Variants in TTC7A observed in about 807,000 individuals in gnomAD.
The protein encoded by TTC7A is tetratricopeptide repeat domain 7A.
In TTC7A, 110 loss-of-function variants were observed where a neutral mutation model predicts 103.7. That is an observed-to-expected ratio of 1.06 (90% CI 0.91 to 1.24). The LOEUF (loss-of-function observed/expected upper bound fraction) is 1.24, where lower values mean the gene tolerates loss of function less well. Among genes scored for constraint, TTC7A ranks in the 50% most tolerant of loss-of-function variants. TTC7A has a pLI of 0.00. For synonymous variants in TTC7A, 521 were observed against 467.9 expected (o/e 1.11, Z -1.47); for missense variants, 1,340 against 1,116.3 (o/e 1.20, Z -2.86).
Position 47,073,989 on chromosome 2 carries a change from G to A in TTC7A, c.*66G>A. 7.3e-7 allele frequency: 1 copy of A among 1,373,050 alleles called. No homozygotes were observed. Among genetic ancestry groups the A allele is most frequent in the South Asian group, 1.2e-5 (1 of 80,678 alleles). 85.1% of individuals were successfully genotyped at this position (1,373,050 alleles called of 1,614,324 possible). On this transcript the variant is annotated 3_prime_UTR_variant, in exon 20 of 20. Transcript: ENST00000319190. ...AGAGGCAGCAGGGAACGTGGGTCAGGGTGGGGCAACAGTGGCATCAGGTGC... is the reference window on the plus strand; with the variant it reads ...AGAGGCAGCAGGGAACGTGGGTCAGAGTGGGGCAACAGTGGCATCAGGTGC...
intron 2 of TTC7A, among the ~76,000 whole-genome samples, chr2:46,922,233 T>G (rs930403371): frequency 1.3e-5 from 2 of 152,182 alleles, no homozygotes; most frequent in Non-Finnish European, 2.9e-5. Flanking sequence ...TAATGTTGCA[T>G]TAGGCCTATA....
chr2:47,060,620 C>A, intron 18 of TTC7A, 149 bp from the exon 19 acceptor site: 1 of 678,452 alleles, frequency 1.5e-6, no homozygotes, highest in Non-Finnish European at 2.4e-6. Flanking sequence ...CCCACTACAT[C>A]CTATAGTCAG....
chr2:46,936,182 CTT>C (rs1280116941), intron 2 of TTC7A, among the ~76,000 whole-genome samples: 2 of 152,326 alleles, frequency 1.3e-5, no homozygotes, highest in Middle Eastern at 3.4e-3. Context: ...ATAAAGAACT[CTT>C]TATCTGACCA....
At chr2:47,063,658 G>A (rs1219548969) in intron 19 of TTC7A, among the ~76,000 whole-genome samples, 1 of 152,234 alleles carries the variant, frequency 6.6e-6, no homozygotes, top group African/African-American at 2.4e-5. Flanking sequence ...AGGCCCCCAG[G>A]GAGGACACTC....
chr2:46,992,168 C>T (rs1675698032), intron 5 of TTC7A, among the ~76,000 whole-genome samples: 1 of 152,230 alleles, frequency 6.6e-6, no homozygotes. Flanking sequence ...CGGGGAACCC[C>T]CTGAGTGGAT....
chr2:47,047,065 G>A (rs551847087), intron 16 of TTC7A: 52 of 567,694 alleles, frequency 9.2e-5, no homozygotes, highest in Non-Finnish European at 1.6e-4. Flanking sequence ...TCTTGTCCAG[G>A]CTGAATCTGC....
intron 19 of TTC7A, among the ~76,000 whole-genome samples, chr2:47,065,302 G>T (rs1358710093): frequency 6.6e-6 from 1 of 152,194 alleles, no homozygotes; most frequent in Non-Finnish European, 1.5e-5. Context: ...GGAAAAAAAT[G>T]AGGTAGCTTA....
chr2:46,995,420 C>T (rs1676081084), intron 8 of TTC7A, among the ~76,000 whole-genome samples: 1 of 152,218 alleles, frequency 6.6e-6, no homozygotes, highest in South Asian at 2.1e-4. Context: ...GCGTTCTGCC[C>T]CCAAATAAGT....
At chr2:46,994,808 C>T (rs576691349) in intron 7 of TTC7A, among the ~76,000 whole-genome samples, 6 of 152,332 alleles carry the variant, frequency 3.9e-5, no homozygotes, top group African/African-American at 1.4e-4. Flanking sequence ...TGCCATTCAT[C>T]GAAGGTGCGG....
chr2:46,992,781 G>C (rs1220250471), intron 5 of TTC7A, among the ~76,000 whole-genome samples: 1 of 152,266 alleles, frequency 6.6e-6, no homozygotes, highest in East Asian at 1.9e-4. Context: ...GGTAGAGGTA[G>C]AAGGAAAATG....
At chr2:47,038,021 C>T (rs734269) in intron 15 of TTC7A, among the ~76,000 whole-genome samples, 65,015 of 151,836 alleles carry the variant, frequency 0.43, 14,376 homozygotes, top group East Asian at 0.65. Context: ...GATGCCGAGG[C>T]GGGCGGATCA....
Position 47,018,119 on chromosome 2 carries a change from A to G in TTC7A, c.1393-3743A>G, listed in dbSNP as rs553479745. Among the ~76,000 whole-genome samples the G allele has an allele frequency of 1.8e-4, 27 of 151,724 alleles. No homozygotes were observed. In the South Asian group the frequency reaches 5.4e-3, roughly 31 times the overall value. ...TGGTGAAACCCCATCTCTACAAACA[A>G]TACAAAAATTAGCCGGGCATGGTGG... On this transcript the variant is annotated intron_variant, in intron 11 of 19. Coordinates refer to ENST00000319190, the MANE Select transcript of TTC7A (RefSeq NM_020458.4).
chr2:47,061,466 G>C (rs1683776293), intron 19 of TTC7A, among the ~76,000 whole-genome samples: 1 of 152,178 alleles, frequency 6.6e-6, no homozygotes, highest in African/African-American at 2.4e-5. Context: ...TGTCATGTCA[G>C]ACCTGTCTCA....
intron 18 of TTC7A, among the ~76,000 whole-genome samples, chr2:47,057,004 G>T (rs1330680458): frequency 6.6e-6 from 1 of 152,240 alleles, no homozygotes; most frequent in East Asian, 1.9e-4. Flanking sequence ...TGGGATGGAT[G>T]TGGGCACCAC....
chr2:47,013,982 C>T (rs1272049873), intron 11 of TTC7A, among the ~76,000 whole-genome samples: 1 of 152,210 alleles, frequency 6.6e-6, no homozygotes, highest in Non-Finnish European at 1.5e-5. Context: ...TCACCCCCTG[C>T]ACCTCCTACC....
rs144037049 is a variant in TTC7A at position 47,005,981 on chromosome 2, C to T, written c.1125C>T (p.Ser375=). ...AGCAGGAGGAGGACCGGACAGTGAG[C>T]TTGCAGAATGCCGCAGCCATCTATG... ...VPEQEEDRTV[S]LQNAAAIYDL... The change falls in exon 9 of 20, where the codon AGC becomes AGT. Residue 375 remains serine (S), a synonymous_variant. Coordinates refer to ENST00000319190, the MANE Select transcript of TTC7A (RefSeq NM_020458.4). 812 of 1,614,010 alleles carry T rather than the reference C, an allele frequency of 5.0e-4. No individual in the cohort carries two copies. The highest frequency in any genetic ancestry group is 5.5e-4 in the Non-Finnish European group (644 of 1,180,022).
At chr2:46,974,821 A>G in intron 3 of TTC7A, 152 bp from the exon 4 acceptor site, 1 of 1,090,446 alleles carries the variant, frequency 9.2e-7, no homozygotes, top group Non-Finnish European at 1.3e-6. Flanking sequence ...CCGTCGCTTC[A>G]GCTTCCTCCC....
intron 11 of TTC7A, among the ~76,000 whole-genome samples, chr2:47,012,409 C>T (rs572169289): frequency 1.3e-4 from 20 of 152,328 alleles, no homozygotes; most frequent in African/African-American, 4.6e-4. Context: ...TCTCCAGGCC[C>T]AGGGTCTCCT....
chr2:46,990,260 G>A (rs1398521051), intron 5 of TTC7A, among the ~76,000 whole-genome samples: 1 of 152,234 alleles, frequency 6.6e-6, no homozygotes, highest in Non-Finnish European at 1.5e-5. Context: ...GGTGGCTGGT[G>A]CTGGGCTGTC....
Sources: allele counts gnomAD v4.1 joint callset (sites outside exome capture counted in the v4.1 genomes callset), GRCh38; gene constraint gnomAD v4.1.1; transcripts MANE v1.5; gene names NCBI Gene and HGNC (gene_info 2026-07-23, HGNC 2026-07-21).